KCNN3: variants seen among roughly 807,000 people sequenced by gnomAD.
KCNN3 encodes the protein potassium calcium-activated channel subfamily N member 3.
Under a neutral mutation model 62.9 loss-of-function variants are expected in KCNN3, and 16 were observed. The observed-to-expected ratio is 0.25, with a 90% confidence interval of 0.17 to 0.39. The LOEUF (loss-of-function observed/expected upper bound fraction) is 0.39, where lower values mean the gene tolerates loss of function less well. KCNN3 is among the 10% of genes least tolerant of loss of function. The pLI is 1.00. For synonymous variants in KCNN3, 370 were observed against 389.2 expected, an observed-to-expected ratio of 0.95 and a Z score of 0.58; for missense variants, 599 against 949.4, an observed-to-expected ratio of 0.63 and a Z score of 4.85.
intron 3 of KCNN3, among the ~76,000 whole-genome samples, chr1:154,735,962 C>T (rs1700704130): frequency 6.6e-6 from 1 of 152,230 alleles, no homozygotes; most frequent in Non-Finnish European, 1.5e-5. Flanking sequence ...GTAATACAGT[C>T]ACAGCCAGGG....
chr1:154,869,175 G>A lies in KCNN3; in HGVS notation c.790C>T (p.Gln264Ter). The part of the protein sequence containing the change: ...TFPKANKRKN[Q>*]NIGYKLGHRR... ...TGTCCCAGCTTATAGCCAATGTTTTGGTTTTTCCGCTTGTTGGCTTTGGGG... is the reference window on the plus strand; with the variant it reads ...TGTCCCAGCTTATAGCCAATGTTTTAGTTTTTCCGCTTGTTGGCTTTGGGG... Residue 264 changes from glutamine (Q) to a stop codon, truncating the protein, a stop_gained, in exon 1 of 8, where the codon CAA (glutamine) becomes TAA (stop). Coordinates refer to ENST00000271915, the MANE Select transcript of KCNN3 (RefSeq NM_002249.6). LOFTEE classifies it high-confidence loss of function. The surrounding 1 kb of genome is among the most constrained non-coding windows in gnomAD (Gnocchi z 6.1). The A allele has an allele frequency of 6.2e-7, 1 of 1,614,120 alleles. No individual in the cohort carries two copies. The highest frequency in any genetic ancestry group is 8.5e-7 in the Non-Finnish European group (1 of 1,180,026).
chr1:154,736,979 A>G, intron 3 of KCNN3: 1 of 699,906 alleles, frequency 1.4e-6, no homozygotes, highest in Middle Eastern at 2.7e-4. Context: ...GATGAATTGG[A>G]CATGCACCCT....
At chr1:154,728,712 G>A (rs1700526338) in intron 4 of KCNN3, among the ~76,000 whole-genome samples, 1 of 152,092 alleles carries the variant, frequency 6.6e-6, no homozygotes. Context: ...GTAAAGCTGG[G>A]CAGAAAATGA....
chr1:154,840,675 C>T (rs1651788000), intron 1 of KCNN3, among the ~76,000 whole-genome samples: 1 of 152,214 alleles, frequency 6.6e-6, no homozygotes, highest in South Asian at 2.1e-4. Context: ...TATTTCTTTC[C>T]AAACAGCAGA....
intron 2 of KCNN3, among the ~76,000 whole-genome samples, chr1:154,820,134 G>A (rs1234562225): frequency 6.6e-6 from 1 of 152,216 alleles, no homozygotes; most frequent in African/African-American, 2.4e-5. Context: ...TGGGACAATG[G>A]GTACCCAGCC....
At chr1:154,723,437 T>C (rs1700399643) in intron 5 of KCNN3, among the ~76,000 whole-genome samples, 3 of 152,242 alleles carry the variant, frequency 2.0e-5, no homozygotes, top group Non-Finnish European at 4.4e-5. Context: ...TGATTTTCAG[T>C]CCTACTTTTC....
intron 3 of KCNN3, among the ~76,000 whole-genome samples, chr1:154,761,953 G>A (rs1402750178): frequency 6.9e-6 from 1 of 144,292 alleles, no homozygotes. Flanking sequence ...AACAAACAAC[G>A]AAGTAACAAA....
intron 2 of KCNN3, among the ~76,000 whole-genome samples, chr1:154,817,998 C>T (rs573115399): frequency 1.4e-4 from 21 of 152,220 alleles, no homozygotes; most frequent in South Asian, 6.2e-4. Context: ...GGGATTAGCA[C>T]GGTCTGAGAG....
chr1:154,737,216 GGA>G (rs1700730904), intron 3 of KCNN3: 1 of 244,046 alleles, frequency 4.1e-6, no homozygotes, highest in African/African-American at 2.4e-5. Flanking sequence ...TGGGGGGGGG[GGA>G]TAGCTCCATG....
chr1:154,806,461 A>G (rs745978861), intron 2 of KCNN3, among the ~76,000 whole-genome samples: 1 of 152,238 alleles, frequency 6.6e-6, no homozygotes, highest in Non-Finnish European at 1.5e-5. Context: ...TGACCTGTTT[A>G]TACAGAGGAG....
chr1:154,764,244 G>A (rs1344625384), intron 3 of KCNN3, among the ~76,000 whole-genome samples: 2 of 152,176 alleles, frequency 1.3e-5, no homozygotes, highest in South Asian at 2.1e-4. Context: ...ACTTTGTATT[G>A]AAATTCTTCC....
At chr1:154,728,642 AAAGAGAAGAG>A (rs1267182621) in intron 4 of KCNN3, among the ~76,000 whole-genome samples, 2 of 151,862 alleles carry the variant, frequency 1.3e-5, no homozygotes, top group Non-Finnish European at 2.9e-5. Context: ...AGAGAGGAGA[AAAGAGAAGAG>A]AAGAGGAGAA....
chr1:154,814,736 C>T (rs141134980), intron 2 of KCNN3, among the ~76,000 whole-genome samples: 42 of 152,290 alleles, frequency 2.8e-4, no homozygotes, highest in South Asian at 6.2e-4. Flanking sequence ...TGTAGTCTGA[C>T]GAGGATTTAT....
intron 1 of KCNN3, among the ~76,000 whole-genome samples, chr1:154,824,864 T>A (rs1651042440): frequency 6.6e-6 from 1 of 152,318 alleles, no homozygotes; most frequent in East Asian, 1.9e-4. Context: ...TTCTTGGTTT[T>A]GGCCAGTACA....
In KCNN3 at chr1:154,737,721, G is replaced by C. The variant is rs114710284; in HGVS notation, c.1449-4577C>G. Among the ~76,000 whole-genome samples the C allele has an allele frequency of 8.5e-3, 1,298 of 152,148 alleles. 19 individuals carry two copies. The highest frequency in any genetic ancestry group is 0.03 in the African/African-American group (1,249 of 41,496). On this transcript the variant is annotated intron_variant, in intron 3 of 7. Transcript: ENST00000271915. ...AGGGGCTGGAAGATGATAAATCGAG[G>C]AATTCTCCCAAAAAGCAGAAAAAGA... is the stretch of plus-strand genomic sequence containing the variant.
intron 4 of KCNN3, among the ~76,000 whole-genome samples, chr1:154,729,391 G>A (rs933620256): frequency 8.5e-5 from 13 of 152,272 alleles, no homozygotes; most frequent in Middle Eastern, 3.4e-3. Flanking sequence ...GCACGTGGGC[G>A]AGAGGGAGCA....
intron 1 of KCNN3, among the ~76,000 whole-genome samples, chr1:154,857,033 A>T (rs1316235723): frequency 6.6e-6 from 1 of 152,156 alleles, no homozygotes; most frequent in Non-Finnish European, 1.5e-5. Flanking sequence ...CAAAGCTCAC[A>T]TCAGACCTGT....
intron 1 of KCNN3, among the ~76,000 whole-genome samples, chr1:154,823,314 A>G (rs6426969): frequency 0.31 from 47,226 of 152,046 alleles, 7,777 homozygotes; most frequent in East Asian, 0.48. Flanking sequence ...GACTGTGTGT[A>G]TGGCGGCCCT....
chr1:154,754,404 G>A (rs761829627), intron 3 of KCNN3, among the ~76,000 whole-genome samples: 2 of 152,132 alleles, frequency 1.3e-5, no homozygotes, highest in Non-Finnish European at 2.9e-5. Context: ...GAGCCTGAGA[G>A]ATGGTTGCAG....
Sources: allele counts gnomAD v4.1 joint callset (sites outside exome capture counted in the v4.1 genomes callset), GRCh38; gene constraint gnomAD v4.1.1; non-coding constraint Gnocchi (gnomAD v3.1); transcripts MANE v1.5; gene names NCBI Gene and HGNC (gene_info 2026-07-23, HGNC 2026-07-21).